RNF135: variants seen among roughly 807,000 people sequenced by gnomAD.
The protein encoded by RNF135 is ring finger protein 135, also known as E3 ubiquitin-protein ligase RNF135.
A neutral mutation model predicts 41.9 loss-of-function variants in RNF135; 46 were observed. The ratio of observed to expected loss-of-function variants is 1.10; its 90% CI spans 0.87 to 1.40. The LOEUF (loss-of-function observed/expected upper bound fraction) is 1.40, where lower values mean the gene tolerates loss of function less well. RNF135 is among the 40% of genes most tolerant of loss of function. The pLI is 0.00. For missense variants in RNF135, 539 were observed against 549.8 expected, an observed-to-expected ratio of 0.98 and a Z score of 0.20; for synonymous variants, 238 against 223.8, an observed-to-expected ratio of 1.06 and a Z score of -0.57.
chr17:30,961,969 A>G, the RNF135 span, among the ~76,000 whole-genome samples: 139 of 152,140 alleles, frequency 9.1e-4, no homozygotes, highest in African/African-American at 3.1e-3. Context: ...TTCCTTATGA[A>G]TAATCACATA....
chr17:30,995,758 CT>C (rs113604380), intron 3 of RNF135, among the ~76,000 whole-genome samples: 146 of 145,712 alleles, frequency 1.0e-3, no homozygotes, highest in East Asian at 2.4e-3. Context: ...GAATTTGTTA[CT>C]TTTTTTTTTT....
intron 1 of RNF135, 87 bp downstream of exon 1, chr17:30,971,532 C>A: frequency 7.2e-7 from 1 of 1,389,828 alleles, no homozygotes; most frequent in Non-Finnish European, 9.2e-7. Flanking sequence ...CCCCTTTCCT[C>A]AGCCGTTCTA....
At chr17:30,993,802 G>A in intron 3 of RNF135, 1 of 936,904 alleles carries the variant, frequency 1.1e-6, no homozygotes, top group Admixed American at 2.2e-5. Flanking sequence ...GCATTCTGCT[G>A]AATTAATTAA....
chr17:30,995,304 C>T (rs532968798), intron 3 of RNF135, among the ~76,000 whole-genome samples: 89 of 152,048 alleles, frequency 5.9e-4, no homozygotes, highest in African/African-American at 2.1e-3. Flanking sequence ...AGGAGAATGG[C>T]GTGAACCCGG....
At chr17:30,970,370 TC>T (rs1442734476), upstream of RNF135, 1 of 152,168 alleles carries the variant, frequency 6.6e-6, no homozygotes, top group African/African-American at 2.4e-5. Flanking sequence ...CGCGCTTACA[TC>T]CCGCAGAAGG....
At position 30,976,933 on chromosome 17, in the gene RNF135, C is replaced by T. The variant is rs117520505; in HGVS notation, c.372+5488C>T. On this transcript the variant is annotated intron_variant, in intron 1 of 4. Coordinates refer to ENST00000328381, the MANE Select transcript of RNF135 (RefSeq NM_032322.4). ...TTGATTGAAGATTTTTGTTCATTTACATTCAATGTTATTGATAAGTAATTC... is the reference window on the plus strand; with the variant it reads ...TTGATTGAAGATTTTTGTTCATTTATATTCAATGTTATTGATAAGTAATTC... 7.6e-3 allele frequency among the ~76,000 whole-genome samples: 1,153 copies of T among 152,260 alleles called. 8 individuals are homozygous for T. Among genetic ancestry groups the T allele is most frequent in the Middle Eastern group, 0.014 (4 of 294 alleles).
intron 3 of RNF135, among the ~76,000 whole-genome samples, chr17:30,994,125 TTAACAA>T (rs563876446): frequency 5.4e-4 from 83 of 152,350 alleles, no homozygotes; most frequent in African/African-American, 2.0e-3. Context: ...TAAAAACCTA[TTAACAA>T]TAAGTAATAA....
chr17:30,985,154 C>G (rs1271446331), intron 2 of RNF135, among the ~76,000 whole-genome samples: 1 of 152,162 alleles, frequency 6.6e-6, no homozygotes, highest in Non-Finnish European at 1.5e-5. Flanking sequence ...CTGGCTGATC[C>G]TTCTCAGTCT....
At chr17:30,979,700 C>G (rs1433597984) in intron 1 of RNF135, among the ~76,000 whole-genome samples, 1 of 128,940 alleles carries the variant, frequency 7.8e-6, no homozygotes, top group African/African-American at 3.0e-5. Flanking sequence ...GGCGGCTGGC[C>G]GGGCGGGGGG....
At chr17:30,975,871 C>T in intron 1 of RNF135, 1 of 709,356 alleles carries the variant, frequency 1.4e-6, no homozygotes, top group East Asian at 2.6e-5. Context: ...ACGTATATGG[C>T]TTCTACCCCA....
chr17:30,972,016 T>G (rs1321232813), intron 1 of RNF135: 2 of 152,892 alleles, frequency 1.3e-5, no homozygotes, highest in East Asian at 1.9e-4. Flanking sequence ...AGTCTCAAAC[T>G]CTTGACCACA....
upstream of RNF135, chr17:30,969,123 G>C (rs1302788408): frequency 6.6e-6 from 1 of 151,710 alleles, no homozygotes; most frequent in Non-Finnish European, 1.5e-5. Context: ...GGCAGGTCTC[G>C]AACTCCTGAG....
intron 1 of RNF135, among the ~76,000 whole-genome samples, chr17:30,976,301 G>C (rs1318896432): frequency 6.6e-6 from 1 of 152,202 alleles, no homozygotes; most frequent in Admixed American, 6.5e-5. Context: ...ACCACGCCCA[G>C]CCTATTTCAA....
intron 2 of RNF135, among the ~76,000 whole-genome samples, chr17:30,987,031 G>T (rs1907640079): frequency 6.6e-6 from 1 of 152,034 alleles, no homozygotes; most frequent in African/African-American, 2.4e-5. Flanking sequence ...ATGGGGAGTG[G>T]ATTATGCAAA....
chr17:30,964,753 C>T, the RNF135 span, among the ~76,000 whole-genome samples: 6 of 150,922 alleles, frequency 4.0e-5, no homozygotes, highest in South Asian at 6.3e-4. Context: ...GGTGCAATCT[C>T]GGCTCACTGC....
chr17:30,999,456 A>T lies in RNF135; in HGVS notation c.*265A>T, dbSNP rs974152493. 2.1e-6 allele frequency: 1 copy of T among 477,550 alleles called. No individual in the cohort carries two copies. Among genetic ancestry groups the T allele is most frequent in the Non-Finnish European group, 3.8e-6 (1 of 259,882 alleles). 29.6% of individuals were successfully genotyped at this position (477,550 alleles called of 1,614,324 possible). A position where few individuals can be genotyped will look rare whatever the true frequency, so the allele number is the denominator to read the frequency against. On this transcript the variant is annotated 3_prime_UTR_variant, in exon 5 of 5. Transcript: ENST00000328381. ...AGTTAATCCTTTTGTGTGATACAGG[A>T]TGAACTTGGGATGTTTGAACCCTGG...
chr17:30,972,848 T>G (rs1410285624), intron 1 of RNF135: 7 of 152,296 alleles, frequency 4.6e-5, no homozygotes, highest in Non-Finnish European at 5.9e-5. Flanking sequence ...TGATCTTGGC[T>G]CACTGCAACC....
intron 1 of RNF135, chr17:30,971,649 T>G: frequency 7.4e-7 from 1 of 1,351,584 alleles, no homozygotes. Flanking sequence ...TTCCCCATCT[T>G]CCGAAAGCTT....
chr17:30,983,335 ATATATATATATATATATATTTTTT>A (rs1399650507), intron 1 of RNF135, among the ~76,000 whole-genome samples: 3 of 25,790 alleles, frequency 1.2e-4, no homozygotes, highest in Non-Finnish European at 2.8e-4. Context: ...ATATATATAT[ATATATATATATATATATATTTTTT>A]TTTTTTTTTT....
Sources: allele counts gnomAD v4.1 joint callset (sites outside exome capture counted in the v4.1 genomes callset), GRCh38; gene constraint gnomAD v4.1.1; transcripts MANE v1.5; gene names NCBI Gene and HGNC (gene_info 2026-07-23, HGNC 2026-07-21).